Variants in SHROOM3 observed in about 807,000 individuals in gnomAD.
SHROOM3 encodes the protein protein Shroom3.
A neutral mutation model predicts 138.6 loss-of-function variants in SHROOM3; 47 were observed. That is an observed-to-expected ratio of 0.34 (90% CI 0.27 to 0.43). The LOEUF (loss-of-function observed/expected upper bound fraction) is 0.43. Among genes scored for constraint, SHROOM3 ranks in the 20% least tolerant of loss-of-function variants. The pLI, the probability that SHROOM3 is intolerant of heterozygous loss-of-function variation, is 1.00. For synonymous variants in SHROOM3, 1,062 were observed against 1,063.3 expected, an observed-to-expected ratio of 1.00 and a Z score of 0.02; for missense variants, 2,491 against 2,596.5, an observed-to-expected ratio of 0.96 and a Z score of 0.88.
intron 4 of SHROOM3, among the ~76,000 whole-genome samples, chr4:76,734,940 A>T (rs999686767): frequency 1.3e-5 from 2 of 152,164 alleles, no homozygotes; most frequent in Non-Finnish European, 1.5e-5. Flanking sequence ...TCCTCTCTGA[A>T]TGAAGTAAGA....
chr4:76,535,939 A>G lies in SHROOM3; in HGVS notation c.169-19670A>G, dbSNP rs535385693. On this transcript the variant is annotated intron_variant, in intron 1 of 10. Transcript: ENST00000296043. ...GCCACAGGCGGAGGAAGAAATGCGG[A>G]GCTGATAATTGAAAGATAATGGATG... Among the ~76,000 whole-genome samples, 6 of 152,324 alleles carry G rather than the reference A, an allele frequency of 3.9e-5. No individual in the cohort carries two copies. In the South Asian group the frequency reaches 1.0e-3, roughly 26 times the overall value.
At chr4:76,613,380 G>A (rs1041558190) in intron 2 of SHROOM3, among the ~76,000 whole-genome samples, 1 of 152,208 alleles carries the variant, frequency 6.6e-6, no homozygotes, top group African/African-American at 2.4e-5. Context: ...AAGACAAGCT[G>A]TTATTTTATG....
chr4:76,749,043 C>T lies in SHROOM3; in HGVS notation c.3780C>T (p.Gly1260=), dbSNP rs1721540564. The T allele has an allele frequency of 6.2e-7, 1 of 1,613,796 alleles. No homozygotes were observed. The highest frequency in any genetic ancestry group is 1.1e-5 in the South Asian group (1 of 91,074). Residue 1260 remains glycine, a synonymous_variant, in exon 6 of 11, where the codon GGC becomes GGT. Coordinates refer to ENST00000296043, the MANE Select transcript of SHROOM3 (RefSeq NM_020859.4). ...RQDVLLGQDS[G]FGLVKDPCYL... ...ATGTGCTTTTGGGGCAAGACAGTGG[C>T]TTTGGTCTTGTGAAGGATCCATGTT...
intron 2 of SHROOM3, among the ~76,000 whole-genome samples, chr4:76,580,900 G>A (rs981500953): frequency 3.3e-5 from 5 of 152,148 alleles, no homozygotes; most frequent in Non-Finnish European, 7.4e-5. Flanking sequence ...GTATATAAAC[G>A]TAACTGATAT....
intron 1 of SHROOM3, among the ~76,000 whole-genome samples, chr4:76,438,392 C>G (rs1219051116): frequency 6.6e-6 from 1 of 152,220 alleles, no homozygotes; most frequent in African/African-American, 2.4e-5. Flanking sequence ...CCAATGTGCT[C>G]TGTCCAATAT....
At chr4:76,586,165 G>A (rs567300565) in intron 2 of SHROOM3, 1 of 823,330 alleles carries the variant, frequency 1.2e-6, no homozygotes, top group East Asian at 1.2e-4. Context: ...CTCCTGTCAG[G>A]CAGGCGGCCG....
chr4:76,594,474 T>C (rs934554267), intron 2 of SHROOM3, among the ~76,000 whole-genome samples: 1 of 152,166 alleles, frequency 6.6e-6, no homozygotes, highest in Non-Finnish European at 1.5e-5. Flanking sequence ...GTCACAGAGA[T>C]GTATGTAATC....
At chr4:76,729,420 GA>G (rs948895912) in intron 3 of SHROOM3, among the ~76,000 whole-genome samples, 84 of 147,448 alleles carry the variant, frequency 5.7e-4, no homozygotes, top group African/African-American at 7.4e-4. Context: ...CTGACTGTTT[GA>G]AAAAAAAAAA....
chr4:76,635,238 T>TA (rs1454779936), intron 2 of SHROOM3, among the ~76,000 whole-genome samples: 2 of 152,192 alleles, frequency 1.3e-5, no homozygotes, highest in Non-Finnish European at 2.9e-5. Flanking sequence ...TCCTCATCCA[T>TA]ACGGCCATTA....
chr4:76,749,105 T>A lies in SHROOM3; in HGVS notation c.3827+15T>A, dbSNP rs375412220. ...CCTGGATCTAGGTATGTACATGTAC[T>A]TATGATGCTCTCTGCATATGAATGC... On this transcript the variant is annotated intron_variant, in intron 6 of 10. Transcript: ENST00000296043. 315 of 1,608,388 alleles carry A rather than the reference T, an allele frequency of 2.0e-4. No individual in the cohort carries two copies. Among genetic ancestry groups the A allele is most frequent in the Non-Finnish European group, 2.4e-4 (287 of 1,174,892 alleles).
intron 3 of SHROOM3, among the ~76,000 whole-genome samples, chr4:76,730,339 G>C (rs921611569): frequency 1.3e-5 from 2 of 152,194 alleles, no homozygotes; most frequent in Admixed American, 1.3e-4. Context: ...CCAGCAACAG[G>C]ATATGATAGA....
intron 2 of SHROOM3, among the ~76,000 whole-genome samples, chr4:76,557,746 A>T (rs1350214976): frequency 6.6e-6 from 1 of 152,206 alleles, no homozygotes; most frequent in African/African-American, 2.4e-5. Context: ...TTTGGCAATT[A>T]TACTTGGGCA....
At chr4:76,775,321 G>GGTGTGTGTGTGT (rs57294282) in intron 10 of SHROOM3, among the ~76,000 whole-genome samples, 7,431 of 149,142 alleles carry the variant, frequency 0.05, 278 homozygotes, top group African/African-American at 0.1. Context: ...TAGTCCATGG[G>GGTGTGTGTGTGT]GTGTGTGTGT....
chr4:76,749,036 A>AC lies in SHROOM3; in HGVS notation c.3774dup (p.Ser1259GlnfsTer18), dbSNP rs1418314570. On this transcript the variant is annotated frameshift_variant, in exon 6 of 11. Coordinates refer to ENST00000296043, the MANE Select transcript of SHROOM3 (RefSeq NM_020859.4). LOFTEE classifies it high-confidence loss of function. ...TTCAAGGATGTGCTTTTGGGGCAAG[A>AC]CAGTGGCTTTGGTCTTGTGAAGGAT... 6.2e-7 allele frequency: 1 copy of AC among 1,613,980 alleles called. No homozygotes were observed. Among genetic ancestry groups the AC allele is most frequent in the Admixed American group, 1.7e-5 (1 of 60,016 alleles).
chr4:76,713,806 G>A (rs1214144638), intron 3 of SHROOM3, among the ~76,000 whole-genome samples: 1 of 152,232 alleles, frequency 6.6e-6, no homozygotes, highest in African/African-American at 2.4e-5. Context: ...TGGAACCACC[G>A]TCATAATGTG....
At chr4:76,750,677 G>A (rs1381494173) in intron 6 of SHROOM3, among the ~76,000 whole-genome samples, 1 of 152,010 alleles carries the variant, frequency 6.6e-6, no homozygotes, top group African/African-American at 2.4e-5. Flanking sequence ...AACTTGGAAA[G>A]GAAAAAAATA....
At chr4:76,511,159 G>A (rs571228688) in intron 1 of SHROOM3, among the ~76,000 whole-genome samples, 13 of 149,896 alleles carry the variant, frequency 8.7e-5, no homozygotes, top group Non-Finnish European at 1.8e-4. Flanking sequence ...TCCAGCCTGG[G>A]CAACAAGAGG....
intron 1 of SHROOM3, among the ~76,000 whole-genome samples, chr4:76,550,343 AG>A: frequency 6.6e-6 from 1 of 152,208 alleles, no homozygotes; most frequent in Non-Finnish European, 1.5e-5. Context: ...CAAAGAGTTT[AG>A]GACCTAGAAG....
In SHROOM3 at chr4:76,566,108, CAAAAAAAAAAA is replaced by C. The variant is rs1170771360; in HGVS notation, c.323+10357_323+10367del. On this transcript the variant is annotated intron_variant, in intron 2 of 10. Coordinates refer to ENST00000296043, the MANE Select transcript of SHROOM3 (RefSeq NM_020859.4). Reference sequence around the variant, plus strand: ...TGGGCGACAGAGCAAAACCCTGTCTCAAAAAAAAAAAAAAAAAAAAAATCAAGAAAAAACAA... The same window carrying C: ...TGGGCGACAGAGCAAAACCCTGTCTCAAAAAAAAAAATCAAGAAAAAACAA... Among the ~76,000 whole-genome samples, 25 of 59,342 alleles carry C rather than the reference CAAAAAAAAAAA, an allele frequency of 4.2e-4. No homozygotes were observed. The South Asian group carries it at 0.012, about 29-fold the overall frequency. 38.9% of individuals were successfully genotyped at this position (59,342 alleles called of 152,430 possible). A position where few individuals can be genotyped will look rare whatever the true frequency, so the allele number is the denominator to read the frequency against.
Sources: gnomAD v4.1 joint callset for allele counts (sites outside exome capture counted in the v4.1 genomes callset) on GRCh38, gnomAD v4.1.1 for gene constraint, MANE v1.5 for transcripts, NCBI Gene and HGNC (gene_info 2026-07-23, HGNC 2026-07-21) for gene names.